SIRPD: variants seen among roughly 807,000 people sequenced by gnomAD.
The protein encoded by SIRPD is signal regulatory protein delta.
In SIRPD, 21 loss-of-function variants were observed where a neutral mutation model predicts 18.0. The ratio of observed to expected loss-of-function variants is 1.17; its 90% CI spans 0.83 to 1.68. The LOEUF is 1.68. Among genes scored for constraint, SIRPD ranks in the 40% most tolerant of loss-of-function variants. The pLI, the probability that SIRPD is intolerant of heterozygous loss-of-function variation, is 0.00. For missense variants in SIRPD, 295 were observed against 238.4 expected, an observed-to-expected ratio of 1.24 and a Z score of -1.56; for synonymous variants, 106 against 92.9, an observed-to-expected ratio of 1.14 and a Z score of -0.81.
chr20:1,546,762 T>G (rs1259516935), intron 2 of SIRPD, among the ~76,000 whole-genome samples: 1 of 152,240 alleles, frequency 6.6e-6, no homozygotes, highest in Non-Finnish European at 1.5e-5. Context: ...TATCTGATTT[T>G]TGATTTTAGC....
intron 2 of SIRPD, 124 bp from the exon 3 acceptor site, chr20:1,537,434 C>T: frequency 8.6e-7 from 1 of 1,162,394 alleles, no homozygotes; most frequent in Non-Finnish European, 1.2e-6. Flanking sequence ...CAGACACAAG[C>T]TAATAAGTTA....
intron 2 of SIRPD, among the ~76,000 whole-genome samples, chr20:1,546,876 A>G (rs929072273): frequency 6.6e-6 from 1 of 152,240 alleles, no homozygotes; most frequent in African/African-American, 2.4e-5. Flanking sequence ...GGCAATTTGA[A>G]TATCTGCTTT....
rs146293507 is a variant in SIRPD at position 1,535,985 on chromosome 20, C to A, written c.577+1170G>T. 6.2e-3 allele frequency among the ~76,000 whole-genome samples: 948 copies of A among 152,322 alleles called. 8 individuals are homozygous for A. Among genetic ancestry groups the A allele is most frequent in the Non-Finnish European group, 1.0e-2 (678 of 68,026 alleles). ...CTGACAACCTGGTGATTCTAGGAAG[C>A]GCACACCATTGCTTGGCTTTCAGTT... On this transcript the variant is annotated intron_variant, in intron 3 of 3. Transcript: ENST00000381623.
chr20:1,552,190 C>T lies in SIRPD; in HGVS notation c.74-152G>A, dbSNP rs1347357060. The T allele has an allele frequency of 4.6e-6, 3 of 653,940 alleles. No homozygotes were observed. In the East Asian group the frequency reaches 8.2e-5, roughly 18 times the overall value. 40.5% of individuals were successfully genotyped at this position (653,940 alleles called of 1,614,324 possible). ...GAGAGGCCTTTGCACATGGAGGCAG[C>T]TTCTCCCTAGAGTGCTGAAGGAAGG... is the stretch of plus-strand genomic sequence containing the variant. On this transcript the variant is annotated intron_variant, in intron 1 of 3. Coordinates refer to ENST00000381623, the MANE Select transcript of SIRPD (RefSeq NM_178460.3).
At chr20:1,553,646 G>A (rs1350002886) in intron 1 of SIRPD, among the ~76,000 whole-genome samples, 1 of 152,198 alleles carries the variant, frequency 6.6e-6, no homozygotes. Flanking sequence ...GTGCACACAT[G>A]TAGTTGCACC....
chr20:1,551,767 A>G lies in SIRPD; in HGVS notation c.345T>C (p.Tyr115=). The change falls in exon 2 of 4, where the codon TAT becomes TAC. Residue 115 remains tyrosine, a synonymous_variant. Coordinates refer to ENST00000381623, the MANE Select transcript of SIRPD (RefSeq NM_178460.3). ...TTCCTTTTATGAACTTCACGCAGTA[A>G]TAGGTGCCAGCATCAGCAAGAGAGA... ...REISLADAGT[Y]YCVKFIKGRA... is the part of the protein sequence containing the mutation. The G allele has an allele frequency of 1.2e-6, 2 of 1,614,068 alleles. No individual in the cohort carries two copies. Among genetic ancestry groups the G allele is most frequent in the Non-Finnish European group, 1.7e-6 (2 of 1,179,962 alleles).
chr20:1,536,899 CCT>C (rs1201990149), intron 3 of SIRPD, among the ~76,000 whole-genome samples: 2 of 152,056 alleles, frequency 1.3e-5, no homozygotes, highest in Non-Finnish European at 2.9e-5. Flanking sequence ...ACTGGGCACC[CCT>C]GTCATGGGGA....
chr20:1,549,348 C>T (rs577152410), intron 2 of SIRPD, among the ~76,000 whole-genome samples: 5 of 149,458 alleles, frequency 3.3e-5, no homozygotes, highest in Non-Finnish European at 7.4e-5. Context: ...ATCTGATGGC[C>T]ATAACAAGCA....
chr20:1,556,200 C>T (rs578205517), intron 1 of SIRPD, among the ~76,000 whole-genome samples: 5 of 152,208 alleles, frequency 3.3e-5, no homozygotes, highest in Non-Finnish European at 5.9e-5. Flanking sequence ...TCACACACAA[C>T]TGAGATTACA....
rs1050793253 is a variant in SIRPD, at chr20:1,551,833, G to A, written c.279C>T (p.Thr93=). ...TGGAAAAGTCTGTGTTGCCAGGCTTGGTGGTGTCTCCAATCTCTTTTACTC... is the reference window on the plus strand; with the variant it reads ...TGGAAAAGTCTGTGTTGCCAGGCTTAGTGGTGTCTCCAATCTCTTTTACTC... ...FPRVKEIGDT[T]KPGNTDFSTR... Residue 93 remains threonine, a synonymous_variant, in exon 2 of 4, where the codon ACC becomes ACT. Transcript: ENST00000381623. 1.2e-6 allele frequency: 2 copies of A among 1,614,094 alleles called. No individual in the cohort carries two copies. The highest frequency in any genetic ancestry group is 1.7e-6 in the Non-Finnish European group (2 of 1,179,980).
Position 1,534,443 on chromosome 20 carries a change from T to G in SIRPD, c.578-2A>C. On this transcript the variant is annotated splice_acceptor_variant, in intron 3 of 3. Coordinates refer to ENST00000381623, the MANE Select transcript of SIRPD (RefSeq NM_178460.3). LOFTEE classifies it high-confidence loss of function. The stretch of plus-strand genomic sequence containing the variant: ...GTTTGGATTATTTTGACAGCAAGCC[T>G]GAAATACAATAAAAATAAAATAAAA... 3 of 1,610,836 alleles carry G rather than the reference T, an allele frequency of 1.9e-6. No homozygotes were observed. The South Asian group carries it at 3.3e-5, about 18-fold the overall frequency.
intron 1 of SIRPD, among the ~76,000 whole-genome samples, chr20:1,553,331 C>A (rs1386206414): frequency 6.6e-6 from 1 of 152,064 alleles, no homozygotes; most frequent in Admixed American, 6.6e-5. Context: ...CTATCAGGTC[C>A]CCATCACATT....
intron 2 of SIRPD, among the ~76,000 whole-genome samples, chr20:1,537,870 C>G (rs149052557): frequency 4.3e-4 from 66 of 152,206 alleles, no homozygotes; most frequent in African/African-American, 1.5e-3. Context: ...GGGGAAGAAG[C>G]CTGTGTGTGT....
At chr20:1,545,202 A>T (rs1169367906) in intron 2 of SIRPD, among the ~76,000 whole-genome samples, 1 of 151,472 alleles carries the variant, frequency 6.6e-6, no homozygotes, top group African/African-American at 2.4e-5. Flanking sequence ...AATATCCTGA[A>T]GTGTGTTTTC....
chr20:1,545,022 A>G (rs140665122), intron 2 of SIRPD, among the ~76,000 whole-genome samples: 2,162 of 152,212 alleles, frequency 0.014, 9 homozygotes, highest in African/African-American at 0.021. Context: ...GGGTAACCCA[A>G]TCTTTCTCTC....
At chr20:1,549,407 A>T (rs2091008435) in intron 2 of SIRPD, among the ~76,000 whole-genome samples, 1 of 150,564 alleles carries the variant, frequency 6.6e-6, no homozygotes, top group South Asian at 2.1e-4. Flanking sequence ...TACTTGTCAT[A>T]GTTTTCTGTT....
chr20:1,551,760 C>T lies in SIRPD; in HGVS notation c.352G>A (p.Val118Met), dbSNP rs561939776. Residue 118 changes from valine to methionine, a missense_variant, in exon 2 of 4, where the codon GTG becomes ATG. Val to Met is a conservative substitution (Grantham distance 21). Coordinates refer to ENST00000381623, the MANE Select transcript of SIRPD (RefSeq NM_178460.3). ...SLADAGTYYC[V>M]KFIKGRAIKE... ...ATAGCTCTTCCTTTTATGAACTTCA[C>T]GCAGTAATAGGTGCCAGCATCAGCA... The T allele has an allele frequency of 3.3e-5, 53 of 1,614,064 alleles. No individual in the cohort carries two copies. Among genetic ancestry groups the T allele is most frequent in the Admixed American group, 1.8e-4 (11 of 60,010 alleles).
In SIRPD at chr20:1,534,260, G is replaced by A; in HGVS notation, c.*165C>T. ...AAGAGAGAACCTGGAATTGGACCCA[G>A]GTAAATAGACAGATTTATTGTACGA... On this transcript the variant is annotated 3_prime_UTR_variant, in exon 4 of 4. Transcript: ENST00000381623. 2 of 936,504 alleles carry A rather than the reference G, an allele frequency of 2.1e-6. No individual in the cohort carries two copies. The highest frequency in any genetic ancestry group is 3.2e-6 in the Non-Finnish European group (2 of 616,912). 58.0% of individuals were successfully genotyped at this position (936,504 alleles called of 1,614,324 possible). A position where few individuals can be genotyped will look rare whatever the true frequency, so the allele number is the denominator to read the frequency against.
At chr20:1,545,596 G>C (rs1019991240) in intron 2 of SIRPD, among the ~76,000 whole-genome samples, 1 of 152,138 alleles carries the variant, frequency 6.6e-6, no homozygotes, top group African/African-American at 2.4e-5. Context: ...GTTATTACCC[G>C]CCATCTGAAG....
Sources: allele counts gnomAD v4.1 joint callset (sites outside exome capture counted in the v4.1 genomes callset), GRCh38; gene constraint gnomAD v4.1.1; transcripts MANE v1.5; gene names NCBI Gene and HGNC (gene_info 2026-07-23, HGNC 2026-07-21).